ZNF618: variants seen among roughly 807,000 people sequenced by gnomAD.
The protein encoded by ZNF618 is neural precursor cell expressed, developmentally down-regulated 10.
In ZNF618, 34 loss-of-function variants were observed where a neutral mutation model predicts 103.0. The ratio of observed to expected loss-of-function variants is 0.33; its 90% confidence interval spans 0.25 to 0.44. ZNF618 has a LOEUF of 0.44. ZNF618 is among the 20% of genes least tolerant of loss of function. The pLI is 1.00. For synonymous variants in ZNF618, 551 were observed against 542.2 expected, an observed-to-expected ratio of 1.02 and a Z score of -0.23; for missense variants, 1,059 against 1,295.4, an observed-to-expected ratio of 0.82 and a Z score of 2.80.
intron 1 of ZNF618, among the ~76,000 whole-genome samples, chr9:113,884,000 C>A (rs1054744905): frequency 1.7e-5 from 1 of 58,760 alleles, no homozygotes; most frequent in East Asian, 3.7e-4. Flanking sequence ...CCCCCCCCCC[C>A]CCGCCCTGTA....
intron 9 of ZNF618, among the ~76,000 whole-genome samples, chr9:114,011,281 C>T (rs556476131): frequency 1.2e-3 from 180 of 152,350 alleles, no homozygotes; most frequent in African/African-American, 4.3e-3. Context: ...AGTCCTTACA[C>T]ATGCATGCAA....
At chr9:114,016,671 C>T in intron 9 of ZNF618, 24 bp from the exon 10 acceptor site, 1 of 1,605,212 alleles carries the variant, frequency 6.2e-7, no homozygotes, top group Non-Finnish European at 8.5e-7. Context: ...CACATTCTTA[C>T]ACCTTCGTTT....
At chr9:113,884,320 T>G (rs1235565375) in intron 1 of ZNF618, among the ~76,000 whole-genome samples, 1 of 152,192 alleles carries the variant, frequency 6.6e-6, no homozygotes, top group Non-Finnish European at 1.5e-5. Context: ...CATTTTGTGG[T>G]GTTTGCCAAA....
At chr9:113,969,021 A>G (rs1200721769) in intron 1 of ZNF618, 96 bp from the exon 2 acceptor site, 2 of 1,392,348 alleles carry the variant, frequency 1.4e-6, no homozygotes, top group Admixed American at 1.7e-5. Flanking sequence ...CCACAGTGTG[A>G]AGGCTGGTAT....
intron 12 of ZNF618, 73 bp from the exon 13 acceptor site, chr9:114,036,227 G>T: frequency 6.9e-7 from 1 of 1,455,900 alleles, no homozygotes; most frequent in Non-Finnish European, 9.4e-7. Flanking sequence ...CACTTGCAAA[G>T]CTGCCTGCAG....
chr9:113,941,585 A>G (rs1390105034), intron 1 of ZNF618, among the ~76,000 whole-genome samples: 1 of 152,196 alleles, frequency 6.6e-6, no homozygotes, highest in African/African-American at 2.4e-5. Context: ...TTCTAGATCC[A>G]GAGTCCCCTT....
intron 1 of ZNF618, among the ~76,000 whole-genome samples, chr9:113,940,347 T>A (rs1228375144): frequency 1.3e-5 from 2 of 152,146 alleles, no homozygotes; most frequent in African/African-American, 4.8e-5. Flanking sequence ...TAAGTACATA[T>A]AAAAATACAT....
chr9:113,995,944 C>T (rs1248258848), intron 3 of ZNF618, among the ~76,000 whole-genome samples: 4 of 152,132 alleles, frequency 2.6e-5, no homozygotes, highest in Non-Finnish European at 2.9e-5. Context: ...GAAGAACCAG[C>T]GAGTGGGGCC....
At chr9:114,042,135 T>C (rs974917378) in intron 13 of ZNF618, among the ~76,000 whole-genome samples, 1 of 152,226 alleles carries the variant, frequency 6.6e-6, no homozygotes, top group African/African-American at 2.4e-5. Flanking sequence ...AGTCTGTCTA[T>C]GAAAATAAAT....
chr9:113,983,972 TG>T (rs1179498586), intron 2 of ZNF618, among the ~76,000 whole-genome samples: 3 of 152,264 alleles, frequency 2.0e-5, no homozygotes, highest in African/African-American at 7.2e-5. Context: ...GGTATCCTTT[TG>T]GTCATTCAGC....
At chr9:113,914,380 G>C (rs185560032) in intron 1 of ZNF618, among the ~76,000 whole-genome samples, 1 of 152,196 alleles carries the variant, frequency 6.6e-6, no homozygotes, top group Admixed American at 6.5e-5. Context: ...AGGCACCTTG[G>C]GGCTCTCCTC....
At chr9:113,991,102 C>G (rs543970254) in intron 3 of ZNF618, among the ~76,000 whole-genome samples, 2 of 152,320 alleles carry the variant, frequency 1.3e-5, no homozygotes, top group South Asian at 4.1e-4. Context: ...GTGGGGAAAG[C>G]TCTGGGCAGC....
chr9:114,043,407 C>A (rs1049297354), intron 13 of ZNF618, among the ~76,000 whole-genome samples: 3 of 152,190 alleles, frequency 2.0e-5, no homozygotes, highest in African/African-American at 7.2e-5. Flanking sequence ...CATCTTCCTT[C>A]TTGGTAATAG....
intron 1 of ZNF618, among the ~76,000 whole-genome samples, chr9:113,966,861 T>C (rs1217095875): frequency 2.0e-5 from 3 of 152,230 alleles, no homozygotes; most frequent in Admixed American, 1.3e-4. Flanking sequence ...TGACAATTCT[T>C]TGAATATTTT....
intron 1 of ZNF618, among the ~76,000 whole-genome samples, chr9:113,916,476 C>T (rs1489324992): frequency 6.6e-6 from 1 of 152,132 alleles, no homozygotes; most frequent in Non-Finnish European, 1.5e-5. Flanking sequence ...TAGGAAATGC[C>T]CACTGTTGTT....
At chr9:113,876,872 C>CT (rs893252414) in intron 1 of ZNF618, among the ~76,000 whole-genome samples, 6 of 143,582 alleles carry the variant, frequency 4.2e-5, no homozygotes, top group African/African-American at 1.0e-4. Context: ...TTGCAACAAT[C>CT]TTTTTTTTTA....
At chr9:113,997,129 A>G (rs1449830064) in intron 3 of ZNF618, among the ~76,000 whole-genome samples, 2 of 145,150 alleles carry the variant, frequency 1.4e-5, no homozygotes, top group Admixed American at 6.9e-5. Context: ...TTTTTTTGAG[A>G]TAGGGTCTTA....
intron 1 of ZNF618, among the ~76,000 whole-genome samples, chr9:113,932,072 C>T (rs551291317): frequency 6.6e-6 from 1 of 152,204 alleles, no homozygotes; most frequent in African/African-American, 2.4e-5. Context: ...GCCCTGACAA[C>T]TAAATGATGA....
At chr9:114,022,252 T>C (rs558945002) in intron 10 of ZNF618, among the ~76,000 whole-genome samples, 1 of 152,042 alleles carries the variant, frequency 6.6e-6, no homozygotes, top group East Asian at 1.9e-4. Flanking sequence ...TCTCGTCTCG[T>C]TGGGTATCAG....
Sources: allele counts gnomAD v4.1 joint callset (sites outside exome capture counted in the v4.1 genomes callset), GRCh38; gene constraint gnomAD v4.1.1; transcripts MANE v1.5; gene names NCBI Gene and HGNC (gene_info 2026-07-23, HGNC 2026-07-21).